Variants in ADAM10 observed in about 807,000 individuals in gnomAD.
ADAM10 encodes the protein disintegrin and metalloproteinase domain-containing protein 10.
A neutral mutation model predicts 90.1 loss-of-function variants in ADAM10; 17 were observed. The observed-to-expected ratio is 0.19, with a 90% CI of 0.13 to 0.28. The LOEUF is 0.28. Among genes scored for constraint, ADAM10 ranks in the 10% least tolerant of loss-of-function variants. The probability of loss-of-function intolerance (pLI) is 1.00; values close to 1 mark genes in which losing one functional copy is unlikely to be tolerated. For synonymous variants in ADAM10, 310 were observed against 298.6 expected (o/e 1.04, Z -0.40); for missense variants, 610 against 914.3 (o/e 0.67, Z 4.29).
At chr15:58,635,419 G>A (rs564166449) in intron 8 of ADAM10, among the ~76,000 whole-genome samples, 24 of 152,016 alleles carry the variant, frequency 1.6e-4, no homozygotes, top group Non-Finnish European at 2.8e-4. Flanking sequence ...CAAATAGCTG[G>A]AGTCACATGC....
intron 8 of ADAM10, among the ~76,000 whole-genome samples, chr15:58,638,398 G>A (rs1432422901): frequency 2.6e-5 from 4 of 151,586 alleles, no homozygotes; most frequent in Non-Finnish European, 5.9e-5. Context: ...GGCGGATCAC[G>A]AGGTCAGGAG....
chr15:58,690,195 C>A (rs1192191979), intron 2 of ADAM10, among the ~76,000 whole-genome samples: 1 of 152,134 alleles, frequency 6.6e-6, no homozygotes, highest in Non-Finnish European at 1.5e-5. Context: ...AGCACCTACT[C>A]ATGATAAAAT....
intron 13 of ADAM10, 85 bp from the exon 14 acceptor site, chr15:58,610,602 A>T: frequency 7.2e-7 from 1 of 1,389,186 alleles, no homozygotes; most frequent in Non-Finnish European, 1.0e-6. Flanking sequence ...AAATACAAAG[A>T]GGGAAAAAAA....
intron 11 of ADAM10, among the ~76,000 whole-genome samples, chr15:58,616,716 G>T (rs770537430): frequency 6.6e-6 from 1 of 152,062 alleles, no homozygotes; most frequent in Non-Finnish European, 1.5e-5. Context: ...GCACCTCAAC[G>T]AATCAGGAAA....
chr15:58,673,821 G>A (rs1026420456), intron 4 of ADAM10, among the ~76,000 whole-genome samples: 3 of 151,020 alleles, frequency 2.0e-5, no homozygotes, highest in East Asian at 1.9e-4. Context: ...TGCAAGCTCC[G>A]ACTCCCGGGT....
At chr15:58,749,299 A>T (rs987447586) in intron 1 of ADAM10, among the ~76,000 whole-genome samples, 181 bp downstream of exon 1, 1 of 151,936 alleles carries the variant, frequency 6.6e-6, no homozygotes, top group Non-Finnish European at 1.5e-5. Flanking sequence ...CCCGCCACCG[A>T]AGGGAAAGCG....
Position 58,742,279 on chromosome 15 carries a change from G to A in ADAM10, c.55+7201C>T, listed in dbSNP as rs1002017758. ...TATGTTAACCAACTTACTATGATTC[G>A]TATTTTTCAATCTTATGATGGGTTG... On this transcript the variant is annotated intron_variant, in intron 1 of 15. Transcript: ENST00000260408. 1.4e-4 allele frequency among the ~76,000 whole-genome samples: 21 copies of A among 152,110 alleles called. No individual in the cohort carries two copies. The East Asian group carries it at 3.5e-3, about 25-fold the overall frequency.
chr15:58,723,931 T>C (rs36034662), intron 1 of ADAM10, among the ~76,000 whole-genome samples: 1 of 152,142 alleles, frequency 6.6e-6, no homozygotes, highest in Non-Finnish European at 1.5e-5. Flanking sequence ...TCTTAGATTA[T>C]ATTAAGAAAT....
intron 7 of ADAM10, 24 bp from the exon 8 acceptor site, chr15:58,640,984 G>T: frequency 1.3e-6 from 2 of 1,596,500 alleles, no homozygotes; most frequent in South Asian, 2.2e-5. Flanking sequence ...CAATAATTTA[G>T]TAAGTAATTA....
At chr15:58,627,653 G>C in intron 10 of ADAM10, 47 bp downstream of exon 10, 1 of 1,546,590 alleles carries the variant, frequency 6.5e-7, no homozygotes, top group Non-Finnish European at 8.9e-7. Context: ...CAAGTTGTCT[G>C]AATGTTTGAA....
intron 1 of ADAM10, among the ~76,000 whole-genome samples, chr15:58,736,216 A>G (rs1281233647): frequency 2.0e-5 from 3 of 152,180 alleles, no homozygotes; most frequent in African/African-American, 7.2e-5. Flanking sequence ...TTCCTACATA[A>G]AAACAGCTCC....
intron 14 of ADAM10, among the ~76,000 whole-genome samples, chr15:58,600,810 C>A (rs898162167): frequency 2.6e-5 from 4 of 152,096 alleles, no homozygotes; most frequent in African/African-American, 9.7e-5. Flanking sequence ...CAAAACTGAA[C>A]CTTTACATTT....
intron 10 of ADAM10, among the ~76,000 whole-genome samples, chr15:58,623,469 G>C (rs867447164): frequency 6.6e-6 from 1 of 152,096 alleles, no homozygotes; most frequent in Admixed American, 6.6e-5. Context: ...GGAGGTCATC[G>C]AAGCTTCATC....
chr15:58,653,464 A>G (rs1282790464), intron 5 of ADAM10, among the ~76,000 whole-genome samples: 3 of 152,198 alleles, frequency 2.0e-5, no homozygotes, highest in Non-Finnish European at 2.9e-5. Flanking sequence ...TTCAGCATCA[A>G]TTGAAATTAT....
chr15:58,606,800 G>A (rs1595985414), intron 14 of ADAM10, among the ~76,000 whole-genome samples: 1 of 152,314 alleles, frequency 6.6e-6, no homozygotes, highest in East Asian at 1.9e-4. Flanking sequence ...CCCAGGTGAT[G>A]CTGATGCTGC....
chr15:58,693,468 T>C (rs1367149545), intron 2 of ADAM10, among the ~76,000 whole-genome samples: 5 of 152,304 alleles, frequency 3.3e-5, no homozygotes, highest in African/African-American at 9.6e-5. Flanking sequence ...TCAACATATA[T>C]AGATCATGGC....
At chr15:58,608,088 A>T (rs1895328671) in intron 14 of ADAM10, among the ~76,000 whole-genome samples, 1 of 152,190 alleles carries the variant, frequency 6.6e-6, no homozygotes, top group African/African-American at 2.4e-5. Flanking sequence ...TATTTGGAAA[A>T]ATCAAAACAT....
At chr15:58,647,072 C>T (rs1017283096) in intron 5 of ADAM10, among the ~76,000 whole-genome samples, 1 of 151,940 alleles carries the variant, frequency 6.6e-6, no homozygotes, top group South Asian at 2.1e-4. Context: ...AATCATACAC[C>T]AATGTCTCTT....
intron 5 of ADAM10, among the ~76,000 whole-genome samples, chr15:58,663,354 T>C (rs1353278057): frequency 6.6e-6 from 1 of 152,222 alleles, no homozygotes; most frequent in Non-Finnish European, 1.5e-5. Context: ...ATTGCATCTC[T>C]ACCACATAAC....
Sources: gnomAD v4.1 joint callset for allele counts (sites outside exome capture counted in the v4.1 genomes callset) on GRCh38, gnomAD v4.1.1 for gene constraint, MANE v1.5 for transcripts, NCBI Gene and HGNC (gene_info 2026-07-23, HGNC 2026-07-21) for gene names.